The following ME1 variants were observed in gnomAD, a reference collection of about 807,000 sequenced individuals.
ME1 encodes malic enzyme 1.
A neutral mutation model predicts 66.4 loss-of-function variants in ME1; 74 were observed. The ratio of observed to expected loss-of-function variants is 1.11; its 90% CI spans 0.92 to 1.35. ME1 has a LOEUF of 1.35. Ranked by LOEUF, ME1 falls within the 40% of genes most tolerant of loss-of-function variation. The pLI, the probability that ME1 is intolerant of heterozygous loss-of-function variation, is 0.00. For missense variants in ME1, 750 were observed against 694.1 expected (o/e 1.08, Z -0.90); for synonymous variants, 251 against 235.6 (o/e 1.07, Z -0.60).
chr6:83,246,438 G>A (rs1790624017), intron 7 of ME1, among the ~76,000 whole-genome samples: 1 of 151,984 alleles, frequency 6.6e-6, no homozygotes. Context: ...ATACTGATAT[G>A]TGTATATTCA....
chr6:83,244,658 G>A (rs913190564), intron 7 of ME1, among the ~76,000 whole-genome samples: 23 of 151,952 alleles, frequency 1.5e-4, no homozygotes, highest in African/African-American at 5.6e-4. Context: ...TATTCTGATA[G>A]CAGTATCAAG....
At chr6:83,360,888 G>T (rs1188549377) in intron 3 of ME1, among the ~76,000 whole-genome samples, 1 of 152,188 alleles carries the variant, frequency 6.6e-6, no homozygotes, top group Non-Finnish European at 1.5e-5. Context: ...ACATCTCCTG[G>T]TTCCTGGTAT....
At chr6:83,346,506 G>T (rs1768689841) in intron 4 of ME1, among the ~76,000 whole-genome samples, 172 bp from the exon 5 acceptor site, 1 of 152,182 alleles carries the variant, frequency 6.6e-6, no homozygotes, top group Admixed American at 6.5e-5. Context: ...ATAGGGTGAA[G>T]AAATGAACTT....
chr6:83,359,496 A>G (rs957229848), intron 3 of ME1, among the ~76,000 whole-genome samples: 4 of 152,192 alleles, frequency 2.6e-5, no homozygotes, highest in African/African-American at 9.6e-5. Context: ...TGGGGCCACT[A>G]AATAGGAACT....
At chr6:83,334,214 T>C (rs945626096) in intron 5 of ME1, among the ~76,000 whole-genome samples, 1 of 149,416 alleles carries the variant, frequency 6.7e-6, no homozygotes, top group African/African-American at 2.5e-5. Flanking sequence ...CGGACGCACC[T>C]GGAAAATCGG....
intron 3 of ME1, among the ~76,000 whole-genome samples, chr6:83,396,654 C>T (rs926161521): frequency 6.6e-6 from 1 of 151,806 alleles, no homozygotes; most frequent in Non-Finnish European, 1.5e-5. Context: ...ACAAAAGGCC[C>T]CAAATGTCCA....
chr6:83,240,857 A>C (rs942631021), intron 7 of ME1, among the ~76,000 whole-genome samples: 7 of 152,136 alleles, frequency 4.6e-5, no homozygotes, highest in African/African-American at 1.7e-4. Context: ...GCAAATAAGA[A>C]CACAATAAAC....
intron 5 of ME1, among the ~76,000 whole-genome samples, chr6:83,344,830 C>T (rs1768657627): frequency 1.3e-5 from 2 of 151,584 alleles, no homozygotes; most frequent in African/African-American, 2.4e-5. Flanking sequence ...TTGCAGTGAG[C>T]GGAGATCAGC....
rs779894460 is a variant in ME1, at chr6:83,223,798, T to C, written c.1411A>G (p.Arg471Gly). The change falls in exon 12 of 14, where the codon AGG becomes GGG. Residue 471 changes from arginine (R) to glycine (G), a missense_variant. Physicochemically the swap from Arg to Gly is moderately radical, Grantham distance 125 (BLOSUM62 -2). Transcript: ENST00000369705. ...AGGAAAATATTATCTGTGATCTGCC[T>C]CAATCCACACGCCACAACACCAAGA... ...VALGVVACGL[R>G]QITDNIFLTT... 5 of 1,613,564 alleles carry C rather than the reference T, an allele frequency of 3.1e-6. No individual in the cohort carries two copies. Among genetic ancestry groups the C allele is most frequent in the Non-Finnish European group, 4.2e-6 (5 of 1,179,808 alleles).
chr6:83,305,450 A>T (rs1181661165), intron 6 of ME1, among the ~76,000 whole-genome samples: 2 of 152,204 alleles, frequency 1.3e-5, no homozygotes, highest in East Asian at 3.8e-4. Flanking sequence ...AAACCTCAAA[A>T]GAAGGTTAAG....
chr6:83,326,154 G>T (rs1052768028), intron 5 of ME1, among the ~76,000 whole-genome samples: 1 of 152,086 alleles, frequency 6.6e-6, no homozygotes, highest in Non-Finnish European at 1.5e-5. Flanking sequence ...ACGGGGAAAG[G>T]ATTCCCTATT....
At chr6:83,231,890 C>A (rs890086366) in intron 9 of ME1, among the ~76,000 whole-genome samples, 1 of 151,916 alleles carries the variant, frequency 6.6e-6, no homozygotes, top group African/African-American at 2.4e-5. Flanking sequence ...TTATGGATAG[C>A]TGAAACTTTA....
rs374350595 is a variant in ME1 at position 83,430,977 on chromosome 6, G to T, written c.-23C>A. 6.6e-7 allele frequency: 1 copy of T among 1,506,752 alleles called. No homozygotes were observed. Among genetic ancestry groups the T allele is most frequent in the South Asian group, 1.3e-5 (1 of 79,336 alleles). The allele number at this position is 1,506,752 out of a possible 1,614,324, so 93.3% of individuals were successfully genotyped here. Reference sequence around the variant, plus strand: ...CATGGCTGGCGCCGGGTTCGGCGGCGGGGTCAGGCCGGGGCGGGCCGCACG... The same window carrying T: ...CATGGCTGGCGCCGGGTTCGGCGGCTGGGTCAGGCCGGGGCGGGCCGCACG... On this transcript the variant is annotated 5_prime_UTR_variant, in exon 1 of 14. Transcript: ENST00000369705.
chr6:83,310,585 C>A (rs546618156), intron 6 of ME1, among the ~76,000 whole-genome samples: 11 of 152,238 alleles, frequency 7.2e-5, no homozygotes, highest in Admixed American at 5.9e-4. Context: ...GACCCCACCA[C>A]TGGTAGAAGA....
chr6:83,261,192 T>C (rs1193485615), intron 6 of ME1, among the ~76,000 whole-genome samples: 1 of 152,182 alleles, frequency 6.6e-6, no homozygotes, highest in Non-Finnish European at 1.5e-5. Context: ...GGTTTAGATT[T>C]GCATTTCTCT....
chr6:83,391,620 A>G (rs962837000), intron 3 of ME1, among the ~76,000 whole-genome samples: 2 of 152,094 alleles, frequency 1.3e-5, no homozygotes, highest in African/African-American at 4.8e-5. Context: ...GTAAAAGCCA[A>G]TGTTCTTCCA....
chr6:83,382,283 G>A (rs1295025061), intron 3 of ME1, among the ~76,000 whole-genome samples: 2 of 151,966 alleles, frequency 1.3e-5, no homozygotes, highest in African/African-American at 4.8e-5. Context: ...CTCAATGCTT[G>A]GTAAAGTGCC....
At chr6:83,258,731 C>T (rs546879509) in intron 6 of ME1, among the ~76,000 whole-genome samples, 3 of 152,166 alleles carry the variant, frequency 2.0e-5, no homozygotes, top group East Asian at 1.9e-4. Context: ...GTATTATCCA[C>T]TTAACAGATA....
chr6:83,428,003 C>T (rs7770178), intron 1 of ME1, among the ~76,000 whole-genome samples: 46,468 of 147,050 alleles, frequency 0.32, 7,603 homozygotes, highest in Middle Eastern at 0.48. Context: ...CAGAACAAGG[C>T]TCTGTCTCAA....
Sources: allele counts gnomAD v4.1 joint callset (sites outside exome capture counted in the v4.1 genomes callset), GRCh38; gene constraint gnomAD v4.1.1; transcripts MANE v1.5; gene names NCBI Gene and HGNC (gene_info 2026-07-23, HGNC 2026-07-21).